The following AFDN variants were observed in gnomAD, a reference collection of about 807,000 sequenced individuals.
AFDN encodes afadin, adherens junction formation factor.
A neutral mutation model predicts 216.6 loss-of-function variants in AFDN; 68 were observed. The ratio of observed to expected loss-of-function variants is 0.31; its 90% confidence interval spans 0.26 to 0.38. AFDN has a LOEUF of 0.38. Ranked by LOEUF, AFDN falls within the 10% of genes least tolerant of loss-of-function variation. The pLI, the probability that AFDN is intolerant of heterozygous loss-of-function variation, is 1.00. For synonymous variants in AFDN, 868 were observed against 853.7 expected (o/e 1.02, Z -0.29); for missense variants, 2,136 against 2,342.0 (o/e 0.91, Z 1.82).
chr6:167,876,178 A>T (rs920308772), intron 5 of AFDN, among the ~76,000 whole-genome samples: 1 of 152,118 alleles, frequency 6.6e-6, no homozygotes, highest in African/African-American at 2.4e-5. Flanking sequence ...CCAGACAGCC[A>T]CCGTCTGGGG....
intron 30 of AFDN, among the ~76,000 whole-genome samples, chr6:167,960,208 C>T (rs974871606): frequency 2.6e-5 from 4 of 152,130 alleles, no homozygotes; most frequent in African/African-American, 7.2e-5. Flanking sequence ...GATGGAAATA[C>T]GTGAGTTAGC....
chr6:167,875,529 T>A (rs1040076113), intron 5 of AFDN, 34 bp downstream of exon 5: 1 of 1,604,804 alleles, frequency 6.2e-7, no homozygotes, highest in African/African-American at 1.3e-5. Flanking sequence ...GTTCTACCTG[T>A]TACAAAGAGC....
intron 6 of AFDN, among the ~76,000 whole-genome samples, chr6:167,883,950 G>A (rs929280959): frequency 6.6e-6 from 1 of 152,108 alleles, no homozygotes; most frequent in Non-Finnish European, 1.5e-5. Context: ...AATGTCTTTC[G>A]GAATTGAAGT....
In AFDN at chr6:167,853,491, T is replaced by C. The variant is rs146910829; in HGVS notation, c.106-11060T>C. On this transcript the variant is annotated intron_variant, in intron 1 of 33. Coordinates refer to ENST00000683244, the MANE Select transcript of AFDN (RefSeq NM_001386888.1). ...TTTTCTGTATGCTAATATGACCAAC[T>C]TGATAGAGAGTTAAGACTCATTCAT... is the stretch of plus-strand genomic sequence containing the variant. Among the ~76,000 whole-genome samples, 175 of 152,206 alleles carry C rather than the reference T, an allele frequency of 1.1e-3. 2 individuals are homozygous for C. Among genetic ancestry groups the C allele is most frequent in the African/African-American group, 4.2e-3 (174 of 41,564 alleles).
rs1795628175 is a variant in AFDN, at chr6:167,948,739, CTAGAAG to C, written c.3831+263_3831+268del. On this transcript the variant is annotated intron_variant, in intron 29 of 33. Coordinates refer to ENST00000683244, the MANE Select transcript of AFDN (RefSeq NM_001386888.1). ...ATTTTTAAGACAAAGTTCACTGATT[CTAGAAG>C]TGAGAAATTAGAACTCAAGTGGTGT... Among the ~76,000 whole-genome samples, 3 of 152,314 alleles carry C rather than the reference CTAGAAG, an allele frequency of 2.0e-5. No homozygotes were observed. In the South Asian group the frequency reaches 6.2e-4, roughly 32 times the overall value.
chr6:167,944,705 C>T (rs1186593634), intron 26 of AFDN, among the ~76,000 whole-genome samples: 1 of 151,928 alleles, frequency 6.6e-6, no homozygotes, highest in Non-Finnish European at 1.5e-5. Flanking sequence ...TAGACCTGCA[C>T]AGCGTGTCAC....
Position 167,897,745 on chromosome 6 carries a change from C to T in AFDN, c.1318-460C>T, listed in dbSNP as rs181045438. On this transcript the variant is annotated intron_variant, in intron 10 of 33. Transcript: ENST00000683244. ...CTCTGTAACCTCCAACTCCCTGGTT[C>T]AAGCAATTCTCCTGCCTCAGCCTCC... Among the ~76,000 whole-genome samples the T allele has an allele frequency of 1.7e-3, 241 of 142,588 alleles. 1 individual carries two copies. The highest frequency in any genetic ancestry group is 3.1e-3 in the Non-Finnish European group (204 of 66,830). The allele number at this position is 142,588 out of a possible 152,430, so 93.5% of individuals were successfully genotyped here. A position where few individuals can be genotyped will look rare whatever the true frequency, so the allele number is the denominator to read the frequency against.
intron 1 of AFDN, among the ~76,000 whole-genome samples, chr6:167,855,675 T>A (rs1234146971): frequency 6.6e-6 from 1 of 152,124 alleles, no homozygotes; most frequent in Non-Finnish European, 1.5e-5. Flanking sequence ...TTGATTTTTC[T>A]CGGAGCTGGA....
At chr6:167,966,074 G>T in intron 32 of AFDN, 29 bp downstream of exon 32, 1 of 1,538,926 alleles carries the variant, frequency 6.5e-7, no homozygotes, top group Non-Finnish European at 8.7e-7. Flanking sequence ...GCACAAGAAA[G>T]TCTCATGGGG....
intron 12 of AFDN, among the ~76,000 whole-genome samples, chr6:167,905,660 T>TA (rs1430065914): frequency 7.1e-6 from 1 of 140,262 alleles, no homozygotes; most frequent in African/African-American, 3.3e-5. Context: ...TAAAGTCACT[T>TA]AAAAACAAAT....
intron 30 of AFDN, among the ~76,000 whole-genome samples, chr6:167,953,612 G>A (rs1387062659): frequency 6.6e-6 from 1 of 152,162 alleles, no homozygotes; most frequent in Non-Finnish European, 1.5e-5. Flanking sequence ...TGTAAGCACT[G>A]TTTTATTTGA....
rs759521726 is a variant in AFDN, at chr6:167,918,717, C to T, written c.2710-18C>T. 8 of 1,612,954 alleles carry T rather than the reference C, an allele frequency of 5.0e-6. No individual in the cohort carries two copies. Among genetic ancestry groups the T allele is most frequent in the Non-Finnish European group, 3.4e-6 (4 of 1,179,454 alleles). On this transcript the variant is annotated intron_variant, in intron 20 of 33. Transcript: ENST00000683244. ...CAGTGAGCATCTCTTTTTAATTTTGCGTTTGTTTTCCAAACAGGATCTTAT... is the reference window on the plus strand; with the variant it reads ...CAGTGAGCATCTCTTTTTAATTTTGTGTTTGTTTTCCAAACAGGATCTTAT...
intron 1 of AFDN, among the ~76,000 whole-genome samples, chr6:167,831,185 G>A (rs1398826513): frequency 3.3e-5 from 5 of 152,010 alleles, no homozygotes; most frequent in Non-Finnish European, 7.4e-5. Flanking sequence ...CAGGTGATCT[G>A]CCTGGCCTCC....
chr6:167,861,955 G>A (rs2128220980), intron 1 of AFDN, among the ~76,000 whole-genome samples: 1 of 152,314 alleles, frequency 6.6e-6, no homozygotes, highest in East Asian at 1.9e-4. Flanking sequence ...ATAAGGGTGA[G>A]CCTTTGGAGA....
intron 6 of AFDN, among the ~76,000 whole-genome samples, chr6:167,881,417 G>A (rs1786094750): frequency 6.6e-6 from 1 of 152,184 alleles, no homozygotes. Context: ...AATGAGAGAT[G>A]AGATGACAAG....
chr6:167,913,539 C>G, intron 16 of AFDN, 116 bp downstream of exon 16: 1 of 940,328 alleles, frequency 1.1e-6, no homozygotes, highest in East Asian at 2.6e-5. Context: ...AACACTCATT[C>G]AGCAACTGAG....
rs35475678 is a variant in AFDN, at chr6:167,911,125, G to A, written c.1794G>A (p.Glu598=). The A allele has an allele frequency of 0.03, 48,509 of 1,613,420 alleles. 952 individuals carry two copies. Among genetic ancestry groups the A allele is most frequent in the African/African-American group, 0.078 (5,812 of 74,976 alleles). ...ESRTQDASGP[E]LILPASIEFR... ...GAACACAGGATGCTTCTGGGCCTGAGCTGATACTACCTGCAAGCATTGAAT... is the reference window on the plus strand; with the variant it reads ...GAACACAGGATGCTTCTGGGCCTGAACTGATACTACCTGCAAGCATTGAAT... Residue 598 remains glutamate (E), a synonymous_variant, in exon 14 of 34, where the codon GAG becomes GAA. Transcript: ENST00000683244.
At chr6:167,948,851 A>T (rs909362394) in intron 29 of AFDN, among the ~76,000 whole-genome samples, 4 of 152,252 alleles carry the variant, frequency 2.6e-5, no homozygotes, top group Non-Finnish European at 5.9e-5. Context: ...CAACAGACAC[A>T]GCATGGTCAG....
intron 30 of AFDN, among the ~76,000 whole-genome samples, chr6:167,959,253 C>T (rs764156052): frequency 6.6e-6 from 1 of 152,158 alleles, no homozygotes; most frequent in East Asian, 1.9e-4. Flanking sequence ...GGCTGTGCTA[C>T]AGGAAGGGAG....
Sources: allele counts gnomAD v4.1 joint callset (sites outside exome capture counted in the v4.1 genomes callset), GRCh38; gene constraint gnomAD v4.1.1; transcripts MANE v1.5; gene names NCBI Gene and HGNC (gene_info 2026-07-23, HGNC 2026-07-21).